CLIC5: variants seen among roughly 807,000 people sequenced by gnomAD.
The protein encoded by CLIC5 is chloride intracellular channel protein 5.
Under a neutral mutation model 24.7 loss-of-function variants are expected in CLIC5, and 20 were observed. The ratio of observed to expected loss-of-function variants is 0.81; its 90% CI spans 0.57 to 1.18. The LOEUF (loss-of-function observed/expected upper bound fraction) is 1.18. Among genes scored for constraint, CLIC5 ranks in the 50% most tolerant of loss-of-function variants. CLIC5 has a pLI of 0.00. For synonymous variants in CLIC5, 159 were observed against 135.6 expected, an observed-to-expected ratio of 1.17 and a Z score of -1.20; for missense variants, 341 against 326.1, an observed-to-expected ratio of 1.05 and a Z score of -0.35.
chr6:46,012,351 C>T (rs1279353157), intron 1 of CLIC5, among the ~76,000 whole-genome samples: 2 of 152,192 alleles, frequency 1.3e-5, no homozygotes, highest in South Asian at 4.1e-4. Context: ...GCGCCATCCA[C>T]AGGTATTATG....
At chr6:46,087,325 A>T in the CLIC5 span, among the ~76,000 whole-genome samples, 1 of 152,212 alleles carries the variant, frequency 6.6e-6, no homozygotes, top group African/African-American at 2.4e-5. Context: ...TCTTCACTGA[A>T]ACCATCTTGT....
intron 4 of CLIC5, among the ~76,000 whole-genome samples, chr6:45,918,058 C>G (rs540643536): frequency 2.0e-5 from 3 of 152,334 alleles, no homozygotes; most frequent in East Asian, 3.9e-4. Flanking sequence ...TTCTTCCCCT[C>G]TCCGCCTCTG....
intron 4 of CLIC5, among the ~76,000 whole-genome samples, chr6:45,934,066 G>A (rs533004516): frequency 1.3e-5 from 2 of 152,316 alleles, no homozygotes; most frequent in South Asian, 4.1e-4. Context: ...TTATTCTTCT[G>A]GGAGGCTGGT....
At chr6:45,980,213 G>A (rs1765523768) in intron 1 of CLIC5, among the ~76,000 whole-genome samples, 1 of 152,046 alleles carries the variant, frequency 6.6e-6, no homozygotes, top group South Asian at 2.1e-4. Flanking sequence ...CCTTAGGCAT[G>A]GGGCTTTATT....
At chr6:46,096,045 T>G in the CLIC5 span, among the ~76,000 whole-genome samples, 4 of 152,202 alleles carry the variant, frequency 2.6e-5, no homozygotes, top group Non-Finnish European at 5.9e-5. Context: ...CATCTACTTC[T>G]GGGGAGGCCT....
chr6:46,040,754 G>T (rs548451671), intron 1 of CLIC5, among the ~76,000 whole-genome samples: 4 of 152,140 alleles, frequency 2.6e-5, no homozygotes, highest in African/African-American at 7.2e-5. Flanking sequence ...TAGTATTGTG[G>T]TTTTTTTAAA....
intron 1 of CLIC5, among the ~76,000 whole-genome samples, chr6:46,058,260 G>A (rs943818741): frequency 1.3e-5 from 2 of 152,160 alleles, no homozygotes; most frequent in Non-Finnish European, 2.9e-5. Context: ...TGCTCTTAAT[G>A]ATAAGAAGAT....
rs1176466372 is a variant in CLIC5 at position 46,015,810 on chromosome 6, GCAA to G, written c.-271_-269del. The G allele has an allele frequency of 1.7e-6, 2 of 1,185,862 alleles. No individual in the cohort carries two copies. Among genetic ancestry groups the G allele is most frequent in the Non-Finnish European group, 2.1e-6 (2 of 958,208 alleles). The allele number at this position is 1,185,862 out of a possible 1,614,324, so 73.5% of individuals were successfully genotyped here. A position where few individuals can be genotyped will look rare whatever the true frequency, so the allele number is the denominator to read the frequency against. On this transcript the variant is annotated 5_prime_UTR_variant, in exon 1 of 6. Transcript: ENST00000339561. The stretch of plus-strand genomic sequence containing the variant: ...AAGGGAATGACAACAGGTCGTGGGA[GCAA>G]CAAGTGCCGGGCTGCCCGGAGGTGT...
At chr6:45,958,692 G>A (rs2127391227) in intron 1 of CLIC5, among the ~76,000 whole-genome samples, 2 of 151,522 alleles carry the variant, frequency 1.3e-5, no homozygotes, top group Admixed American at 1.3e-4. Context: ...TTATATGCTG[G>A]ATACTTCATA....
chr6:45,887,455 T>C (rs1356149866), intron 6 of CLIC5, among the ~76,000 whole-genome samples: 2 of 152,214 alleles, frequency 1.3e-5, no homozygotes, highest in Non-Finnish European at 2.9e-5. Context: ...AAGACACCAG[T>C]CATACTGGAT....
chr6:46,022,154 A>G (rs917291667), intron 1 of CLIC5, among the ~76,000 whole-genome samples: 6 of 152,232 alleles, frequency 3.9e-5, no homozygotes, highest in African/African-American at 1.4e-4. Context: ...ACAAAACAAA[A>G]TAAACATATT....
At chr6:46,004,356 C>T (rs1331991040) in intron 1 of CLIC5, among the ~76,000 whole-genome samples, 1 of 152,196 alleles carries the variant, frequency 6.6e-6, no homozygotes, top group Non-Finnish European at 1.5e-5. Flanking sequence ...CACAGAGGAA[C>T]AGCCACAGGA....
rs138600731 is a variant in CLIC5 at position 45,917,079 on chromosome 6, C to T, written c.407-2670G>A. Among the ~76,000 whole-genome samples, 14 of 152,250 alleles carry T rather than the reference C, an allele frequency of 9.2e-5. No homozygotes were observed. The East Asian group carries it at 2.5e-3, about 27-fold the overall frequency. On this transcript the variant is annotated intron_variant, in intron 4 of 5. Coordinates refer to ENST00000339561, the MANE Select transcript of CLIC5 (RefSeq NM_016929.5). Reference sequence around the variant, plus strand: ...TGCTTTCCTGGGTCCCTTCCAAGCGCTTGGATCTGATTTCAAGAATTCTGT... The same window carrying T: ...TGCTTTCCTGGGTCCCTTCCAAGCGTTTGGATCTGATTTCAAGAATTCTGT...
At chr6:46,046,769 G>T (rs1252441421) in intron 1 of CLIC5, among the ~76,000 whole-genome samples, 1 of 152,204 alleles carries the variant, frequency 6.6e-6, no homozygotes, top group Non-Finnish European at 1.5e-5. Context: ...TAACAGACAT[G>T]CACAGGGGCC....
chr6:45,943,787 G>A (rs920740847), intron 3 of CLIC5, among the ~76,000 whole-genome samples: 5 of 152,144 alleles, frequency 3.3e-5, no homozygotes, highest in African/African-American at 9.7e-5. Flanking sequence ...GTGTATTCAG[G>A]GGGCTGTGGT....
chr6:45,975,326 A>G (rs1417137034), intron 1 of CLIC5, among the ~76,000 whole-genome samples: 1 of 152,252 alleles, frequency 6.6e-6, no homozygotes, highest in African/African-American at 2.4e-5. Flanking sequence ...GATGAAAGAA[A>G]GACTTTTAAT....
chr6:46,104,342 C>T, the CLIC5 span, among the ~76,000 whole-genome samples: 2 of 152,118 alleles, frequency 1.3e-5, no homozygotes, highest in Non-Finnish European at 2.9e-5. Flanking sequence ...ATCTTCAAGT[C>T]ATGACAGGTG....
At chr6:45,940,841 C>A (rs1764104242) in intron 4 of CLIC5, among the ~76,000 whole-genome samples, 1 of 152,204 alleles carries the variant, frequency 6.6e-6, no homozygotes, top group Non-Finnish European at 1.5e-5. Flanking sequence ...TGGACGGTTC[C>A]ATTCAAATGG....
the CLIC5 span, among the ~76,000 whole-genome samples, chr6:46,093,228 C>T: frequency 6.6e-6 from 1 of 152,138 alleles, no homozygotes; most frequent in African/African-American, 2.4e-5. Context: ...CCACTTATAC[C>T]TGGTCCCGGC....
Sources: allele counts gnomAD v4.1 joint callset (sites outside exome capture counted in the v4.1 genomes callset), GRCh38; gene constraint gnomAD v4.1.1; transcripts MANE v1.5; gene names NCBI Gene and HGNC (gene_info 2026-07-23, HGNC 2026-07-21).